The following MYH9 variants were observed in gnomAD, a reference collection of about 807,000 sequenced individuals.
MYH9 encodes myosin-9.
Under a neutral mutation model 241.9 loss-of-function variants are expected in MYH9, and 29 were observed. The observed-to-expected ratio is 0.12, with a 90% CI of 0.09 to 0.16. The LOEUF (loss-of-function observed/expected upper bound fraction) is 0.16. Among genes scored for constraint, MYH9 ranks in the 10% least tolerant of loss-of-function variants. The pLI, the probability that MYH9 is intolerant of heterozygous loss-of-function variation, is 1.00. For missense variants in MYH9, 1,803 were observed against 2,595.5 expected (o/e 0.69, Z 6.63); for synonymous variants, 1,047 against 1,062.6 (o/e 0.99, Z 0.29).
intron 3 of MYH9, among the ~76,000 whole-genome samples, chr22:36,333,242 G>C (rs1242491286): frequency 6.6e-6 from 1 of 152,236 alleles, no homozygotes; most frequent in Non-Finnish European, 1.5e-5. Flanking sequence ...AGAGCACCAG[G>C]GACATCAATG....
chr22:36,314,392 A>T, intron 12 of MYH9, 74 bp from the exon 13 acceptor site: 1 of 1,569,162 alleles, frequency 6.4e-7, no homozygotes, highest in Non-Finnish European at 8.7e-7. Flanking sequence ...CTTGAGAAGG[A>T]GGGTGGGGCA....
rs921693368 is a variant in MYH9, at chr22:36,329,863, G to A, written c.491-2375C>T. On this transcript the variant is annotated intron_variant, in intron 3 of 40. Transcript: ENST00000216181. This position sits in a 1 kb window ranked among gnomAD's most constrained non-coding sequence, Gnocchi z 4.1. ...TATGGAGGTAGGTGTACAGAGGTAC[G>A]TGTGCACAGAAATACATGCGCACAC... Among the ~76,000 whole-genome samples the A allele has an allele frequency of 2.6e-5, 4 of 152,204 alleles. No individual in the cohort carries two copies. The highest frequency in any genetic ancestry group is 4.1e-4 in the South Asian group (2 of 4,834).
rs1416442557 is a variant in MYH9 at position 36,305,567 on chromosome 22, G to A, written c.2159+363C>T. The stretch of plus-strand genomic sequence containing the variant: ...TGTCGCCGTCTTCGCACACAGCAAC[G>A]CACGGCCGTGTTTCATTTCCACAAA... On this transcript the variant is annotated intron_variant, in intron 17 of 40. Coordinates refer to ENST00000216181, the MANE Select transcript of MYH9 (RefSeq NM_002473.6). The surrounding 1 kb of genome is among the most constrained non-coding windows in gnomAD (Gnocchi z 4.7). Among the ~76,000 whole-genome samples the A allele has an allele frequency of 6.6e-6, 1 of 152,204 alleles. No individual in the cohort carries two copies. Among genetic ancestry groups the A allele is most frequent in the African/African-American group, 2.4e-5 (1 of 41,448 alleles).
chr22:36,326,565 C>T lies in MYH9; in HGVS notation c.612+3G>A, dbSNP rs1254126949. On this transcript the variant is annotated splice_donor_region_variant and intron_variant, in intron 5 of 40. Coordinates refer to ENST00000216181, the MANE Select transcript of MYH9 (RefSeq NM_002473.6). ...CCACAGGGACAAGGGCTGCAGCACT[C>T]ACCTGGTCCTTCTTGCTCTTGTGCG... 2 of 1,613,976 alleles carry T rather than the reference C, an allele frequency of 1.2e-6. No homozygotes were observed. Among genetic ancestry groups the T allele is most frequent in the Non-Finnish European group, 8.5e-7 (1 of 1,179,798 alleles).
rs1569535406 is a variant in MYH9 at position 36,306,636 on chromosome 22, GC to G, written c.1844-30del. 1 of 1,603,494 alleles carries G rather than the reference GC, an allele frequency of 6.2e-7. No homozygotes were observed. Among genetic ancestry groups the G allele is most frequent in the East Asian group, 2.2e-5 (1 of 44,648 alleles). ...TGGAGACCACAGAGAACACGTGAGT[GC>G]CCACACAGTTGCAGCTGGGTGGTGG... On this transcript the variant is annotated intron_variant, in intron 15 of 40. Transcript: ENST00000216181. This position sits in a 1 kb window ranked among gnomAD's most constrained non-coding sequence, Gnocchi z 4.1.
intron 31 of MYH9, among the ~76,000 whole-genome samples, chr22:36,290,803 C>G (rs574394330): frequency 6.6e-6 from 1 of 151,740 alleles, no homozygotes; most frequent in South Asian, 2.1e-4. Context: ...CCCGCCGCCC[C>G]GTCTGGGATG....
At chr22:36,382,460 G>C (rs1265871745) in intron 1 of MYH9, among the ~76,000 whole-genome samples, 1 of 151,854 alleles carries the variant, frequency 6.6e-6, no homozygotes, top group African/African-American at 2.4e-5. Flanking sequence ...GGGCAACAGA[G>C]CGAGACTCAG....
intron 11 of MYH9, among the ~76,000 whole-genome samples, chr22:36,317,519 C>T (rs1467906185): frequency 6.6e-6 from 1 of 152,256 alleles, no homozygotes; most frequent in African/African-American, 2.4e-5. Context: ...TCATGCAATG[C>T]TTCTGCACAG....
intron 31 of MYH9, among the ~76,000 whole-genome samples, chr22:36,290,610 C>T (rs902034138): frequency 1.3e-5 from 2 of 151,334 alleles, no homozygotes; most frequent in African/African-American, 2.4e-5. Flanking sequence ...GGCCGCCCAT[C>T]GTCTGGGATG....
intron 1 of MYH9, among the ~76,000 whole-genome samples, chr22:36,376,683 C>T (rs908249407): frequency 2.0e-5 from 3 of 152,204 alleles, no homozygotes; most frequent in African/African-American, 4.8e-5. Context: ...CCAGGGATTC[C>T]CCGATCAGTG....
chr22:36,284,668 C>A (rs2071732), intron 38 of MYH9, among the ~76,000 whole-genome samples, 157 bp from the exon 39 acceptor site: 1 of 152,098 alleles, frequency 6.6e-6, no homozygotes, highest in African/African-American at 2.4e-5. Context: ...CGGCTTCTTA[C>A]GACGGGCACT....
At chr22:36,337,748 T>G (rs928206474) in intron 3 of MYH9, among the ~76,000 whole-genome samples, 1 of 152,212 alleles carries the variant, frequency 6.6e-6, no homozygotes, top group East Asian at 1.9e-4. Flanking sequence ...GGGGGCAGCA[T>G]GCACTAAGAC....
rs770021950 is a variant in MYH9 at position 36,309,401 on chromosome 22, C to T, written c.1729-5G>A. ...CTCGTCAGCTTTGTAATCCACCTGG[C>T]GGGGTCAGAGAGGCAGGAGTCACAA... On this transcript the variant is annotated splice_region_variant and splice_polypyrimidine_tract_variant and intron_variant, in intron 14 of 40. Transcript: ENST00000216181. 149 of 1,612,520 alleles carry T rather than the reference C, an allele frequency of 9.2e-5. No homozygotes were observed. Among genetic ancestry groups the T allele is most frequent in the Admixed American group, 2.0e-4 (12 of 59,994 alleles).
intron 1 of MYH9, among the ~76,000 whole-genome samples, chr22:36,359,710 G>A (rs2017907867): frequency 6.6e-6 from 1 of 152,156 alleles, no homozygotes; most frequent in African/African-American, 2.4e-5. Context: ...AATCTTGGCT[G>A]GCATGGCCTC....
At chr22:36,302,885 C>T (rs954966112) in intron 19 of MYH9, among the ~76,000 whole-genome samples, 5 of 152,182 alleles carry the variant, frequency 3.3e-5, no homozygotes, top group African/African-American at 9.6e-5. Context: ...ATCTTACAGT[C>T]GGTGAAGGAC....
chr22:36,313,430 C>T (rs1178222026), intron 13 of MYH9, among the ~76,000 whole-genome samples: 18 of 124,474 alleles, frequency 1.4e-4, no homozygotes, highest in African/African-American at 4.5e-4. Flanking sequence ...CCAGCCTGGG[C>T]GACAGAGCGA....
chr22:36,368,020 T>C (rs187225729), intron 1 of MYH9, among the ~76,000 whole-genome samples: 12 of 147,978 alleles, frequency 8.1e-5, no homozygotes, highest in African/African-American at 2.5e-4. Flanking sequence ...CACACACACA[T>C]GCCTGCATAC....
At chr22:36,314,734 C>A (rs747964943) in intron 12 of MYH9, among the ~76,000 whole-genome samples, 3 of 151,956 alleles carry the variant, frequency 2.0e-5, no homozygotes, top group Admixed American at 2.0e-4. Flanking sequence ...CTGCAGCCTC[C>A]GCTTCCTGGG....
At chr22:36,326,305 G>A (rs953637050) in intron 5 of MYH9, among the ~76,000 whole-genome samples, 4 of 152,244 alleles carry the variant, frequency 2.6e-5, no homozygotes, top group Non-Finnish European at 4.4e-5. Flanking sequence ...AAAGCCAAGA[G>A]GGCTGCCATG....
Sources: gnomAD v4.1 joint callset for allele counts (sites outside exome capture counted in the v4.1 genomes callset) on GRCh38, gnomAD v4.1.1 for gene constraint, Gnocchi (gnomAD v3.1) non-coding constraint, MANE v1.5 for transcripts, NCBI Gene and HGNC (gene_info 2026-07-23, HGNC 2026-07-21) for gene names.